The following PCNX2 variants were observed in gnomAD, a reference collection of about 807,000 sequenced individuals.
PCNX2 encodes pecanex-like protein 2.
A neutral mutation model predicts 223.8 loss-of-function variants in PCNX2; 168 were observed. The ratio of observed to expected loss-of-function variants is 0.75; its 90% CI spans 0.66 to 0.85. The LOEUF (loss-of-function observed/expected upper bound fraction) is 0.85. Among genes scored for constraint, PCNX2 ranks in the 40% least tolerant of loss-of-function variants. The pLI is 0.00. For synonymous variants in PCNX2, 1,006 were observed against 1,052.6 expected (o/e 0.96, Z 0.86); for missense variants, 2,507 against 2,675.5 (o/e 0.94, Z 1.39).
chr1:233,293,246 A>G (rs6701999), intron 1 of PCNX2, among the ~76,000 whole-genome samples: 58,846 of 152,084 alleles, frequency 0.39, 11,781 homozygotes, highest in South Asian at 0.61. Flanking sequence ...TGAGGAGTGG[A>G]ATTATAGGTG....
At chr1:233,112,198 A>G (rs908006300) in intron 21 of PCNX2, among the ~76,000 whole-genome samples, 2 of 152,222 alleles carry the variant, frequency 1.3e-5, no homozygotes, top group Admixed American at 1.3e-4. Flanking sequence ...TGTCCTAAAT[A>G]TGAGCACCTG....
In PCNX2 at chr1:233,001,095, G is replaced by A. The variant is rs951609014; in HGVS notation, c.5097+442C>T. Among the ~76,000 whole-genome samples, 31 of 152,078 alleles carry A rather than the reference G, an allele frequency of 2.0e-4. No homozygotes were observed. The highest frequency in any genetic ancestry group is 1.2e-3 in the East Asian group (6 of 5,166). ...GTCACCCAGGCTGGAGTGCAGTGGC[G>A]CAATCATAGATCACTGCAGCCTGAA... On this transcript the variant is annotated intron_variant, in intron 29 of 33. Coordinates refer to ENST00000258229, the MANE Select transcript of PCNX2 (RefSeq NM_014801.4). This position sits in a 1 kb window ranked among gnomAD's most constrained non-coding sequence, Gnocchi z 4.2.
At chr1:233,223,539 C>T (rs1657519209) in intron 10 of PCNX2, among the ~76,000 whole-genome samples, 1 of 152,090 alleles carries the variant, frequency 6.6e-6, no homozygotes, top group South Asian at 2.1e-4. Flanking sequence ...TGGTTTGCTG[C>T]ACCCATCAAC....
At chr1:233,227,521 G>A in intron 9 of PCNX2, 150 bp from the exon 10 acceptor site, 1 of 701,304 alleles carries the variant, frequency 1.4e-6, no homozygotes, top group Non-Finnish European at 2.1e-6. Flanking sequence ...ATTCTGATAT[G>A]TAAACCAACA....
At chr1:233,204,339 G>A (rs918044860) in intron 13 of PCNX2, among the ~76,000 whole-genome samples, 1 of 152,180 alleles carries the variant, frequency 6.6e-6, no homozygotes, top group African/African-American at 2.4e-5. Flanking sequence ...CTGGCCTCCA[G>A]AACTGCAAGA....
At chr1:233,016,236 C>G (rs976779264) in intron 27 of PCNX2, among the ~76,000 whole-genome samples, 2 of 152,186 alleles carry the variant, frequency 1.3e-5, no homozygotes, top group African/African-American at 2.4e-5. Context: ...GGACATGCCA[C>G]AGACTGCATC....
chr1:232,994,004 T>C (rs1571988717), intron 32 of PCNX2, among the ~76,000 whole-genome samples: 1 of 152,242 alleles, frequency 6.6e-6, no homozygotes, highest in Non-Finnish European at 1.5e-5. Context: ...AAAAGTCTGC[T>C]GCAGGGGCGG....
At chr1:233,315,010 A>T in the PCNX2 span, among the ~76,000 whole-genome samples, 1 of 152,216 alleles carries the variant, frequency 6.6e-6, no homozygotes, top group African/African-American at 2.4e-5. Context: ...GATAACAAAG[A>T]CGACCCTATA....
Position 233,295,227 on chromosome 1 carries a change from G to C in PCNX2, c.153+99C>G. The C allele has an allele frequency of 1.3e-6, 2 of 1,502,228 alleles. No homozygotes were observed. Among genetic ancestry groups the C allele is most frequent in the Admixed American group, 2.0e-5 (1 of 49,826 alleles). 93.1% of individuals were successfully genotyped at this position (1,502,228 alleles called of 1,614,324 possible). On this transcript the variant is annotated intron_variant, in intron 1 of 33. Transcript: ENST00000258229. This position sits in a 1 kb window ranked among gnomAD's most constrained non-coding sequence, Gnocchi z 4.1. The stretch of plus-strand genomic sequence containing the variant: ...CTTTCCGTCTCTTAAGAATCTCTAC[G>C]AACCCGAAAGCCCGTGAGGCTGATG...
the PCNX2 span, among the ~76,000 whole-genome samples, chr1:233,302,510 C>T: frequency 0.24 from 35,695 of 151,680 alleles, 5,260 homozygotes; most frequent in East Asian, 0.42. Context: ...TCTTCTTTAT[C>T]AAATGATTTT....
chr1:233,166,780 A>G (rs187196159), intron 17 of PCNX2, among the ~76,000 whole-genome samples: 2 of 152,274 alleles, frequency 1.3e-5, no homozygotes, highest in East Asian at 3.9e-4. Flanking sequence ...GGAAAATAAT[A>G]TATTTTTTTT....
chr1:233,242,481 AGAT>A (rs1658829392), intron 8 of PCNX2, among the ~76,000 whole-genome samples: 1 of 152,222 alleles, frequency 6.6e-6, no homozygotes, highest in Non-Finnish European at 1.5e-5. Flanking sequence ...ACTGGGGAGC[AGAT>A]GATATGCATT....
chr1:233,079,023 T>C (rs1277173876), intron 23 of PCNX2, among the ~76,000 whole-genome samples: 2 of 152,074 alleles, frequency 1.3e-5, no homozygotes, highest in Non-Finnish European at 2.9e-5. Context: ...GGTGAGGAAA[T>C]CTGAGGCAGA....
At chr1:233,259,414 G>T in intron 4 of PCNX2, 70 bp from the exon 5 acceptor site, 1 of 1,462,532 alleles carries the variant, frequency 6.8e-7, no homozygotes, top group Non-Finnish European at 9.0e-7. Flanking sequence ...AAGACCTAAT[G>T]AATAATAACA....
In PCNX2 at chr1:233,295,545, C is replaced by G; in HGVS notation, c.-67G>C. 6.9e-7 allele frequency: 1 copy of G among 1,445,874 alleles called. No homozygotes were observed. Among genetic ancestry groups the G allele is most frequent in the South Asian group, 1.5e-5 (1 of 68,838 alleles). The allele number at this position is 1,445,874 out of a possible 1,614,324, so 89.6% of individuals were successfully genotyped here. Reference sequence around the variant, plus strand: ...TGCGCGCCCCGGCCGGATCTCCAGGCTCCCTCAGGTCTAACACCCGGGCCC... The same window carrying G: ...TGCGCGCCCCGGCCGGATCTCCAGGGTCCCTCAGGTCTAACACCCGGGCCC... On this transcript the variant is annotated 5_prime_UTR_variant, in exon 1 of 34. Coordinates refer to ENST00000258229, the MANE Select transcript of PCNX2 (RefSeq NM_014801.4). The surrounding 1 kb of genome is among the most constrained non-coding windows in gnomAD (Gnocchi z 4.1).
chr1:233,080,731 C>T (rs1673320641), intron 23 of PCNX2, among the ~76,000 whole-genome samples: 1 of 152,116 alleles, frequency 6.6e-6, no homozygotes, highest in Admixed American at 6.5e-5. Context: ...GAAGGCCCCA[C>T]CTCCTAATAC....
At chr1:233,100,871 T>C (rs1418842288) in intron 21 of PCNX2, among the ~76,000 whole-genome samples, 1 of 152,228 alleles carries the variant, frequency 6.6e-6, no homozygotes, top group Non-Finnish European at 1.5e-5. Context: ...CATTCTATCA[T>C]TTGCCATTTT....
At chr1:233,108,154 T>C (rs1571881520) in intron 21 of PCNX2, among the ~76,000 whole-genome samples, 1 of 152,336 alleles carries the variant, frequency 6.6e-6, no homozygotes, top group East Asian at 1.9e-4. Flanking sequence ...TGGGCTGCGT[T>C]GTCTGTGGAG....
chr1:232,986,189 G>C lies in PCNX2; in HGVS notation c.6143C>G (p.Ser2048Cys). The change falls in exon 33 of 34, where the codon TCT becomes TGT. Residue 2048 changes from serine (S) to cysteine (C), a missense_variant. Coordinates refer to ENST00000258229, the MANE Select transcript of PCNX2 (RefSeq NM_014801.4). ...ACTGGTATTGCCCCCCTCCGCAGCA[G>C]AGAGTCCGGAAATGACGAGCGCGCT... The part of the protein sequence containing the change: ...FSSALVISGL[S>C]AAEGGNTSDT... 2 of 1,561,206 alleles carry C rather than the reference G, an allele frequency of 1.3e-6. No homozygotes were observed. The highest frequency in any genetic ancestry group is 1.7e-6 in the Non-Finnish European group (2 of 1,152,006).
Sources: allele counts gnomAD v4.1 joint callset (sites outside exome capture counted in the v4.1 genomes callset), GRCh38; gene constraint gnomAD v4.1.1; non-coding constraint Gnocchi (gnomAD v3.1); transcripts MANE v1.5; gene names NCBI Gene and HGNC (gene_info 2026-07-23, HGNC 2026-07-21).